The following MARS1 variants were observed in gnomAD, a reference collection of about 807,000 sequenced individuals.
MARS1 encodes the protein methionine--tRNA ligase, cytoplasmic.
MARS1 carries 80 observed loss-of-function variants against 119.5 expected under a neutral mutation model. The ratio of observed to expected loss-of-function variants is 0.67; its 90% CI spans 0.56 to 0.81. The LOEUF (loss-of-function observed/expected upper bound fraction) is 0.81. Ranked by LOEUF, MARS1 falls within the 30% of genes least tolerant of loss-of-function variation. The pLI is 0.00. For synonymous variants in MARS1, 418 were observed against 433.4 expected, an observed-to-expected ratio of 0.96 and a Z score of 0.44; for missense variants, 945 against 1,116.5, an observed-to-expected ratio of 0.85 and a Z score of 2.19.
At chr12:57,503,940 C>T (rs747415968) in intron 10 of MARS1, 48 of 359,404 alleles carry the variant, frequency 1.3e-4, no homozygotes, top group Non-Finnish European at 2.2e-4. Context: ...CCTCACACAG[C>T]CAAGTACAGT....
intron 7 of MARS1, among the ~76,000 whole-genome samples, chr12:57,495,890 C>T (rs896808333): frequency 8.5e-5 from 13 of 152,326 alleles, no homozygotes; most frequent in African/African-American, 2.9e-4. Flanking sequence ...ATCCCAGGCA[C>T]TGGGCAGGCT....
At position 57,500,489 on chromosome 12, in the gene MARS1, G is replaced by C; in HGVS notation, c.1260G>C (p.Lys420Asn). The change falls in exon 10 of 21, where the codon AAG becomes AAC. Residue 420 changes from lysine to asparagine, a missense_variant. Transcript: ENST00000262027. ...YEEARGDQCDKCGKLINAVEL... is the reference protein window; with the variant it reads ...YEEARGDQCDNCGKLINAVEL... ...AGGCTCGGGGTGACCAGTGTGACAA[G>C]TGTGGCAAGCTCATCAATGCTGTCG... The C allele has an allele frequency of 6.2e-7, 1 of 1,614,212 alleles. No homozygotes were observed. The highest frequency in any genetic ancestry group is 8.5e-7 in the Non-Finnish European group (1 of 1,180,042).
chr12:57,513,629 A>G (rs1877629582), intron 15 of MARS1, among the ~76,000 whole-genome samples: 1 of 151,774 alleles, frequency 6.6e-6, no homozygotes, highest in Non-Finnish European at 1.5e-5. Context: ...AAAAAAAAAA[A>G]AAAAGGCTTC....
chr12:57,512,875 T>C lies in MARS1; in HGVS notation c.1878T>C (p.Pro626=). ...GCTTCTATCTGCTGTACATTCGGCC[T>C]GAGGGCCAGGACAGTGCTTTCTCCT... is the stretch of plus-strand genomic sequence containing the variant. The part of the protein sequence containing the change: ...IWRFYLLYIR[P]EGQDSAFSWT... Residue 626 remains proline, a synonymous_variant, in exon 15 of 21, where the codon CCT becomes CCC. Coordinates refer to ENST00000262027, the MANE Select transcript of MARS1 (RefSeq NM_004990.4). 1 of 1,614,236 alleles carries C rather than the reference T, an allele frequency of 6.2e-7. No homozygotes were observed. The highest frequency in any genetic ancestry group is 1.1e-5 in the South Asian group (1 of 91,086).
intron 7 of MARS1, among the ~76,000 whole-genome samples, chr12:57,495,956 T>G (rs1393400814): frequency 6.6e-6 from 1 of 152,200 alleles, no homozygotes; most frequent in Non-Finnish European, 1.5e-5. Context: ...GGCAGTACAG[T>G]CCGGCCTCGG....
intron 9 of MARS1, among the ~76,000 whole-genome samples, chr12:57,499,918 C>G (rs1876838767): frequency 6.6e-6 from 1 of 152,052 alleles, no homozygotes; most frequent in Non-Finnish European, 1.5e-5. Flanking sequence ...AAAAAAACCC[C>G]CAAAACTTTA....
rs1056924946 is a variant in MARS1, at chr12:57,500,088, G to A, written c.1092-233G>A. 2.7e-5 allele frequency: 14 copies of A among 527,728 alleles called. No homozygotes were observed. In the East Asian group the frequency reaches 3.8e-4, roughly 14 times the overall value. The allele number at this position is 527,728 out of a possible 1,614,324, so 32.7% of individuals were successfully genotyped here. A position where few individuals can be genotyped will look rare whatever the true frequency, so the allele number is the denominator to read the frequency against. ...ACAGATAAATCTGTGTTCAACAAAA[G>A]TGAATTCTAAAGTGTTGAGGGGAAA... On this transcript the variant is annotated intron_variant, in intron 9 of 20. Transcript: ENST00000262027.
intron 18 of MARS1, 34 bp downstream of exon 18, chr12:57,515,370 T>C: frequency 3.8e-6 from 6 of 1,599,572 alleles, no homozygotes; most frequent in Non-Finnish European, 5.1e-6. Context: ...TTAAAATTGA[T>C]ACTCTTGCCA....
In MARS1 at chr12:57,488,131, C is replaced by T. The variant is rs755035230; in HGVS notation, c.41C>T (p.Pro14Leu). ...FVSDGVPGCLPVLAAAGRARG... is the reference protein window; with the variant it reads ...FVSDGVPGCLLVLAAAGRARG... ...AGTGATGGCGTCCCGGGTTGCTTGC[C>T]GGTGCTGGCCGCCGCCGGGAGAGCC... Residue 14 changes from proline to leucine, a missense_variant, in exon 1 of 21, where the codon CCG becomes CTG. Coordinates refer to ENST00000262027, the MANE Select transcript of MARS1 (RefSeq NM_004990.4). The T allele has an allele frequency of 6.2e-7, 1 of 1,614,150 alleles. No individual in the cohort carries two copies. The highest frequency in any genetic ancestry group is 2.2e-5 in the East Asian group (1 of 44,878).
At chr12:57,492,716 G>C (rs993133734) in intron 7 of MARS1, among the ~76,000 whole-genome samples, 22 of 121,848 alleles carry the variant, frequency 1.8e-4, no homozygotes, top group East Asian at 9.5e-4. Context: ...CACACACACA[G>C]ACGTAAACAA....
At chr12:57,489,700 T>C in intron 4 of MARS1, 142 bp downstream of exon 4, 1 of 1,248,846 alleles carries the variant, frequency 8.0e-7, no homozygotes, top group Non-Finnish European at 1.1e-6. Flanking sequence ...TCTCTAATCC[T>C]CAATTTTTTT....
intron 7 of MARS1, among the ~76,000 whole-genome samples, chr12:57,493,892 ATTTATG>A (rs1876417728): frequency 3.4e-5 from 2 of 59,424 alleles, no homozygotes; most frequent in Non-Finnish European, 5.6e-5. Context: ...TATAATATAT[ATTTATG>A]TTATATAATA....
At chr12:57,513,480 G>A (rs565642785) in intron 15 of MARS1, among the ~76,000 whole-genome samples, 39 of 152,040 alleles carry the variant, frequency 2.6e-4, no homozygotes, top group African/African-American at 9.2e-4. Context: ...CAGGCGTGGT[G>A]GCGCACACCT....
rs113773319 is a variant in MARS1 at position 57,515,268 on chromosome 12, C to G, written c.2323C>G (p.Pro775Ala). The part of the protein sequence containing the change: ...ATIQAQLQLP[P>A]PACSILLTNF... ...AATCCAGGCCCAGCTGCAGCTCCCA[C>G]CTCCAGCCTGCAGTATCCTGCTGAC... The change falls in exon 18 of 21, where the codon CCT becomes GCT. Residue 775 changes from proline to alanine, a missense_variant. Transcript: ENST00000262027. 2 of 1,614,050 alleles carry G rather than the reference C, an allele frequency of 1.2e-6. No homozygotes were observed. The highest frequency in any genetic ancestry group is 8.5e-7 in the Non-Finnish European group (1 of 1,180,032).
intron 11 of MARS1, chr12:57,511,436 G>T: frequency 6.3e-6 from 3 of 479,288 alleles, no homozygotes; most frequent in East Asian, 7.5e-5. Context: ...TTACAGTCTG[G>T]CATGGTGGTG....
chr12:57,507,151 A>C (rs2140027160), intron 11 of MARS1, among the ~76,000 whole-genome samples: 1 of 152,144 alleles, frequency 6.6e-6, no homozygotes, highest in East Asian at 1.9e-4. Context: ...CATGTTTCAG[A>C]GAGCACAGGG....
At chr12:57,505,262 A>G (rs1410394142) in intron 11 of MARS1, among the ~76,000 whole-genome samples, 3 of 151,762 alleles carry the variant, frequency 2.0e-5, no homozygotes, top group Non-Finnish European at 2.9e-5. Context: ...CCCAGGTTCA[A>G]GCGATTCCTC....
intron 9 of MARS1, chr12:57,500,073 C>T: frequency 2.0e-6 from 1 of 487,890 alleles, no homozygotes. Context: ...ACAGATAAAT[C>T]TGTGTTCAAC....
intron 4 of MARS1, 26 bp downstream of exon 4, chr12:57,489,584 T>C (rs1169592050): frequency 6.2e-7 from 1 of 1,613,764 alleles, no homozygotes; most frequent in Non-Finnish European, 8.5e-7. Context: ...AGATGAGGAC[T>C]GGGGAAGGCT....
Sources: gnomAD v4.1 joint callset for allele counts (sites outside exome capture counted in the v4.1 genomes callset) on GRCh38, gnomAD v4.1.1 for gene constraint, MANE v1.5 for transcripts, NCBI Gene and HGNC (gene_info 2026-07-23, HGNC 2026-07-21) for gene names.